TENM3: variants seen among roughly 807,000 people sequenced by gnomAD.
TENM3 encodes teneurin-3.
Under a neutral mutation model 255.1 loss-of-function variants are expected in TENM3, and 63 were observed. The observed-to-expected ratio is 0.25, with a 90% CI of 0.20 to 0.30. The LOEUF (loss-of-function observed/expected upper bound fraction) is 0.30. Ranked by LOEUF, TENM3 falls within the 10% of genes least tolerant of loss-of-function variation. The pLI is 1.00. For synonymous variants in TENM3, 1,306 were observed against 1,322.3 expected (o/e 0.99, Z 0.27); for missense variants, 2,929 against 3,461.1 (o/e 0.85, Z 3.86).
At chr4:182,529,240 A>G (rs2151830750) in intron 3 of TENM3, among the ~76,000 whole-genome samples, 1 of 152,316 alleles carries the variant, frequency 6.6e-6, no homozygotes, top group Non-Finnish European at 1.5e-5. Flanking sequence ...GAACATTAGG[A>G]ACGCTGGTGT....
At chr4:182,376,092 G>T (rs1345300325) in intron 3 of TENM3, among the ~76,000 whole-genome samples, 2 of 151,994 alleles carry the variant, frequency 1.3e-5, no homozygotes, top group Non-Finnish European at 2.9e-5. Context: ...TCCTAATCTT[G>T]AGTACTCGAA....
intron 1 of TENM3, among the ~76,000 whole-genome samples, chr4:182,166,732 A>C (rs986455127): frequency 7.9e-5 from 12 of 152,144 alleles, no homozygotes; most frequent in Non-Finnish European, 1.6e-4. Flanking sequence ...CCCAGGTTAA[A>C]GCGATGCTCC....
At chr4:182,748,175 G>C (rs185418990) in intron 19 of TENM3, among the ~76,000 whole-genome samples, 70 of 152,290 alleles carry the variant, frequency 4.6e-4, no homozygotes, top group African/African-American at 1.6e-3. Flanking sequence ...GATGAGTTAA[G>C]AATCAAGGTG....
At chr4:182,183,284 A>G (rs866902431) in intron 1 of TENM3, among the ~76,000 whole-genome samples, 1 of 152,242 alleles carries the variant, frequency 6.6e-6, no homozygotes, top group African/African-American at 2.4e-5. Context: ...AGAAACCAGA[A>G]TTTTTTGAGA....
chr4:182,704,522 C>T (rs956161510), intron 12 of TENM3, among the ~76,000 whole-genome samples: 2 of 152,160 alleles, frequency 1.3e-5, no homozygotes, highest in African/African-American at 4.8e-5. Context: ...GCAGCTCTTC[C>T]ATAGAATCTG....
chr4:182,736,158 A>G (rs1761143918), intron 16 of TENM3, among the ~76,000 whole-genome samples: 1 of 152,222 alleles, frequency 6.6e-6, no homozygotes, highest in South Asian at 2.1e-4. Flanking sequence ...TGCTATTATT[A>G]CATTACCTCT....
chr4:181,543,619 G>C, the TENM3 span, among the ~76,000 whole-genome samples: 1 of 152,260 alleles, frequency 6.6e-6, no homozygotes, highest in Admixed American at 6.5e-5. Flanking sequence ...TCTACTGCCA[G>C]CCACCTGCTG....
the TENM3 span, among the ~76,000 whole-genome samples, chr4:181,767,108 A>AGGGCGTGGTGGC: frequency 7.4e-6 from 1 of 135,336 alleles, no homozygotes; most frequent in African/African-American, 2.8e-5. Flanking sequence ...AAAAATTAGC[A>AGGGCGTGGTGGC]GGGCGTGGTG....
chr4:182,323,974 C>A lies in TENM3; in HGVS notation c.-47C>A, dbSNP rs1763226297. 6.5e-7 allele frequency: 1 copy of A among 1,545,594 alleles called. No homozygotes were observed. Among genetic ancestry groups the A allele is most frequent in the East Asian group, 2.3e-5 (1 of 43,426 alleles). ...GGCCAATGAGACTTGAACCCTGAGC[C>A]TAAGTTGTCACCAGCAGGACTGATG... On this transcript the variant is annotated 5_prime_UTR_variant, in exon 2 of 28. Transcript: ENST00000511685.
the TENM3 span, among the ~76,000 whole-genome samples, chr4:181,857,819 T>C: frequency 6.6e-6 from 1 of 151,744 alleles, no homozygotes. Flanking sequence ...GGGGAAGCCA[T>C]TGGCAGTGTT....
chr4:181,494,040 G>A, the TENM3 span, among the ~76,000 whole-genome samples: 1 of 152,124 alleles, frequency 6.6e-6, no homozygotes, highest in Non-Finnish European at 1.5e-5. Context: ...GCCCTGTGAG[G>A]TGCATATGTT....
the TENM3 span, among the ~76,000 whole-genome samples, chr4:182,085,942 A>G: frequency 6.6e-6 from 1 of 152,176 alleles, no homozygotes; most frequent in African/African-American, 2.4e-5. Flanking sequence ...CAACTCTCAT[A>G]TTAGGAAACT....
At chr4:181,978,761 G>A in the TENM3 span, among the ~76,000 whole-genome samples, 1 of 151,310 alleles carries the variant, frequency 6.6e-6, no homozygotes. Context: ...GGGAAGTTCA[G>A]GTGGGAATTG....
intron 11 of TENM3, among the ~76,000 whole-genome samples, chr4:182,685,757 G>C (rs1756522445): frequency 6.6e-6 from 1 of 151,982 alleles, no homozygotes. Context: ...ATTCAGATTT[G>C]CTTCCTACAG....
At chr4:181,479,064 A>G in the TENM3 span, among the ~76,000 whole-genome samples, 1 of 152,208 alleles carries the variant, frequency 6.6e-6, no homozygotes, top group Non-Finnish European at 1.5e-5. Context: ...AGAACATTCT[A>G]ATAGATAAAT....
At chr4:182,474,552 A>G (rs77534618) in intron 3 of TENM3, among the ~76,000 whole-genome samples, 1 of 152,180 alleles carries the variant, frequency 6.6e-6, no homozygotes, top group Admixed American at 6.5e-5. Flanking sequence ...TTCTCAGGCA[A>G]TGAGAACTGT....
At chr4:182,360,879 G>T (rs113988464) in intron 3 of TENM3, among the ~76,000 whole-genome samples, 4,346 of 152,174 alleles carry the variant, frequency 0.029, 84 homozygotes, top group Non-Finnish European at 0.042. Flanking sequence ...CTTTCCATGT[G>T]TAGTGCTTCC....
At chr4:182,628,209 C>G (rs912062383) in intron 4 of TENM3, among the ~76,000 whole-genome samples, 1 of 152,064 alleles carries the variant, frequency 6.6e-6, no homozygotes, top group Non-Finnish European at 1.5e-5. Context: ...CATGCATACT[C>G]GTGTTTATAT....
chr4:181,746,461 A>G, the TENM3 span, among the ~76,000 whole-genome samples: 1 of 152,160 alleles, frequency 6.6e-6, no homozygotes, highest in Non-Finnish European at 1.5e-5. Flanking sequence ...AGATGATTAC[A>G]AAGAATGGCT....
Sources: allele counts gnomAD v4.1 joint callset (sites outside exome capture counted in the v4.1 genomes callset), GRCh38; gene constraint gnomAD v4.1.1; transcripts MANE v1.5; gene names NCBI Gene and HGNC (gene_info 2026-07-23, HGNC 2026-07-21).